The following PCDHA10 variants were observed in gnomAD, a reference collection of about 807,000 sequenced individuals.
PCDHA10 encodes the protein protocadherin alpha 10.
PCDHA10 carries 45 observed loss-of-function variants against 61.2 expected under a neutral mutation model. The ratio of observed to expected loss-of-function variants is 0.74; its 90% confidence interval spans 0.58 to 0.94. PCDHA10 has a LOEUF of 0.94. Among genes scored for constraint, PCDHA10 ranks in the 40% least tolerant of loss-of-function variants. The probability of loss-of-function intolerance (pLI) is 0.00; values close to 1 mark genes in which losing one functional copy is unlikely to be tolerated. For synonymous variants in PCDHA10, 602 were observed against 548.8 expected, an observed-to-expected ratio of 1.10 and a Z score of -1.35; for missense variants, 1,278 against 1,236.2, an observed-to-expected ratio of 1.03 and a Z score of -0.51.
At chr5:140,932,755 GA>G (rs1554209056) in intron 1 of PCDHA10, among the ~76,000 whole-genome samples, 4 of 151,730 alleles carry the variant, frequency 2.6e-5, no homozygotes, top group Non-Finnish European at 5.9e-5. Context: ...AAAAAGGAAA[GA>G]AAAAGAACAT....
At chr5:140,941,381 A>G (rs2093056743) in intron 1 of PCDHA10, among the ~76,000 whole-genome samples, 1 of 128,140 alleles carries the variant, frequency 7.8e-6, no homozygotes, top group Non-Finnish European at 1.6e-5. Context: ...TAGTGACAGG[A>G]TTTTGGCTCA....
rs146932686 is a variant in PCDHA10, at chr5:140,955,010, G to T, written c.2389-23939G>T. 3.9e-3 allele frequency among the ~76,000 whole-genome samples: 599 copies of T among 152,256 alleles called. 6 individuals carry two copies. The highest frequency in any genetic ancestry group is 0.032 in the South Asian group (154 of 4,816). On this transcript the variant is annotated intron_variant, in intron 1 of 3. Transcript: ENST00000307360. ...TGCATATGGCTAGCCAATTCTCCCAGCACCATTTATTAAATAGGGAATCTT... is the reference window on the plus strand; with the variant it reads ...TGCATATGGCTAGCCAATTCTCCCATCACCATTTATTAAATAGGGAATCTT...
intron 1 of PCDHA10, among the ~76,000 whole-genome samples, chr5:140,975,597 T>C (rs2096674133): frequency 6.6e-6 from 1 of 152,242 alleles, no homozygotes; most frequent in Non-Finnish European, 1.5e-5. Context: ...GAGGGCAATT[T>C]GTTGATGTCT....
chr5:140,909,719 C>T (rs2074652522), intron 1 of PCDHA10, among the ~76,000 whole-genome samples: 1 of 152,130 alleles, frequency 6.6e-6, no homozygotes, highest in Non-Finnish European at 1.5e-5. Flanking sequence ...ATACCTATGC[C>T]AATTATGCAT....
At chr5:140,967,206 G>A in intron 1 of PCDHA10, 2 of 1,613,644 alleles carry the variant, frequency 1.2e-6, no homozygotes, top group South Asian at 2.2e-5. Flanking sequence ...AACTCACCGC[G>A]TTTCCCGCGG....
chr5:140,857,557 G>A lies in PCDHA10; in HGVS notation c.1509G>A (p.Leu503=). The A allele has an allele frequency of 6.3e-7, 1 of 1,596,936 alleles. No homozygotes were observed. Among genetic ancestry groups the A allele is most frequent in the Non-Finnish European group, 8.6e-7 (1 of 1,167,672 alleles). Residue 503 remains leucine, a synonymous_variant, in exon 1 of 4, where the codon CTG becomes CTA. Transcript: ENST00000307360. The part of the protein sequence containing the change: ...LVERRLGERS[L]SSYVSVHAES... ...AGCGGCGGTTGGGCGAGCGCTCGCT[G>A]TCGAGCTACGTGTCGGTGCACGCGG...
rs28619398 is a variant in PCDHA10 at position 140,895,037 on chromosome 5, C to T, written c.2388+36601C>T. 4.7e-3 allele frequency among the ~76,000 whole-genome samples: 720 copies of T among 152,250 alleles called. 7 individuals are homozygous for T. The highest frequency in any genetic ancestry group is 0.016 in the African/African-American group (670 of 41,558). ...TTTTCCTTTGTTTAATTGTCCCCCA[C>T]CCACACCATTCTGCTTCATATGGAC... is the stretch of plus-strand genomic sequence containing the variant. On this transcript the variant is annotated intron_variant, in intron 1 of 3. Transcript: ENST00000307360.
chr5:140,915,306 A>G (rs999638953), intron 1 of PCDHA10, among the ~76,000 whole-genome samples: 1 of 152,136 alleles, frequency 6.6e-6, no homozygotes, highest in Non-Finnish European at 1.5e-5. Context: ...ATAAGTTTAC[A>G]TACCACAATT....
At chr5:140,914,964 T>A (rs1328203928) in intron 1 of PCDHA10, among the ~76,000 whole-genome samples, 18 of 131,662 alleles carry the variant, frequency 1.4e-4, no homozygotes, top group Non-Finnish European at 3.0e-4. Context: ...TTTTTTTTTC[T>A]GAGTCAGAGT....
Position 140,857,244 on chromosome 5 carries a change from CCTA to C in PCDHA10, c.1198_1200del (p.Tyr400del), listed in dbSNP as rs782212916. 1 of 1,598,476 alleles carries C rather than the reference CCTA, an allele frequency of 6.3e-7. No homozygotes were observed. The highest frequency in any genetic ancestry group is 2.2e-5 in the East Asian group (1 of 44,852). On this transcript the variant is annotated inframe_deletion, in exon 1 of 4. Coordinates refer to ENST00000307360, the MANE Select transcript of PCDHA10 (RefSeq NM_018901.4). ...CACGTTCCGTTCAAGCTGGTGTCCA[CCTA>C]CAAGAATTACTACTCATTGGTGCTG...
At chr5:140,946,631 T>TATATATATAC (rs57893927) in intron 1 of PCDHA10, among the ~76,000 whole-genome samples, 18,480 of 131,524 alleles carry the variant, frequency 0.14, 1,838 homozygotes, top group East Asian at 0.38. Context: ...TATATATATA[T>TATATATATAC]ACAATGGAAT....
rs201937079 is a variant in PCDHA10 at position 140,870,716 on chromosome 5, A to G, written c.2388+12280A>G. 15 of 1,613,024 alleles carry G rather than the reference A, an allele frequency of 9.3e-6. No individual in the cohort carries two copies. The highest frequency in any genetic ancestry group is 1.2e-5 in the Non-Finnish European group (14 of 1,179,860). On this transcript the variant is annotated intron_variant, in intron 1 of 3. Coordinates refer to ENST00000307360, the MANE Select transcript of PCDHA10 (RefSeq NM_018901.4). ...CTACAGTTCCAGGTGAGCGCGCGCG[A>G]TGCGGGCGTGCCGCCTCTGAGCAGC... is the stretch of plus-strand genomic sequence containing the variant.
chr5:140,975,964 T>C (rs1554237162), intron 1 of PCDHA10, among the ~76,000 whole-genome samples: 2 of 152,218 alleles, frequency 1.3e-5, no homozygotes, highest in South Asian at 2.1e-4. Flanking sequence ...TCTTCACCAA[T>C]AGAAAGTAAG....
intron 1 of PCDHA10, among the ~76,000 whole-genome samples, chr5:140,906,598 C>T (rs1258343234): frequency 6.6e-6 from 1 of 152,238 alleles, no homozygotes; most frequent in African/African-American, 2.4e-5. Flanking sequence ...TCCTCTACTA[C>T]TCATTCTGTA....
chr5:140,881,724 A>C (rs1165848100), intron 1 of PCDHA10, among the ~76,000 whole-genome samples: 1 of 152,194 alleles, frequency 6.6e-6, no homozygotes, highest in Admixed American at 6.5e-5. Flanking sequence ...GAGGTCTTGA[A>C]AAATATTACA....
At chr5:140,871,277 C>T (rs1187011496) in intron 1 of PCDHA10, 15 of 1,613,782 alleles carry the variant, frequency 9.3e-6, no homozygotes, top group Admixed American at 6.7e-5. Flanking sequence ...TGGTCGGCAA[C>T]GCCCACTGAG....
Position 140,954,691 on chromosome 5 carries a change from A to G in PCDHA10, c.2389-24258A>G, listed in dbSNP as rs561318179. Among the ~76,000 whole-genome samples the G allele has an allele frequency of 9.2e-5, 14 of 152,162 alleles. No homozygotes were observed. The East Asian group carries it at 2.5e-3, about 27-fold the overall frequency. ...TATTAGACTTTTGTCAGATGGATAG[A>G]CTACAAAATTTTTCTCCCATTCTGT... On this transcript the variant is annotated intron_variant, in intron 1 of 3. Coordinates refer to ENST00000307360, the MANE Select transcript of PCDHA10 (RefSeq NM_018901.4).
chr5:140,868,872 G>T, intron 1 of PCDHA10: 1 of 640,590 alleles, frequency 1.6e-6, no homozygotes. Context: ...GCAGTGCACA[G>T]TACTCACAGT....
chr5:140,861,028 C>G (rs954598633), intron 1 of PCDHA10: 1 of 152,238 alleles, frequency 6.6e-6, no homozygotes, highest in African/African-American at 2.4e-5. Context: ...CGCACCCGGC[C>G]GAAAGGTATT....
Sources: allele counts gnomAD v4.1 joint callset (sites outside exome capture counted in the v4.1 genomes callset), GRCh38; gene constraint gnomAD v4.1.1; transcripts MANE v1.5; gene names NCBI Gene and HGNC (gene_info 2026-07-23, HGNC 2026-07-21).